Variants in DCDC1 observed in about 807,000 individuals in gnomAD.
The protein encoded by DCDC1 is doublecortin domain containing 1.
DCDC1 carries 200 observed loss-of-function variants against 178.3 expected under a neutral mutation model. That is an observed-to-expected ratio of 1.12 (90% confidence interval 1.00 to 1.26). DCDC1 has a LOEUF of 1.26. DCDC1 is among the 50% of genes most tolerant of loss of function. The pLI, the probability that DCDC1 is intolerant of heterozygous loss-of-function variation, is 0.00. For missense variants in DCDC1, 1,983 were observed against 1,749.2 expected, an observed-to-expected ratio of 1.13 and a Z score of -2.38; for synonymous variants, 690 against 604.8, an observed-to-expected ratio of 1.14 and a Z score of -2.07.
chr11:31,171,108 G>T (rs998198169), intron 9 of DCDC1, among the ~76,000 whole-genome samples: 4 of 152,124 alleles, frequency 2.6e-5, no homozygotes, highest in African/African-American at 9.7e-5. Context: ...GATTACAGAC[G>T]TGAGCCATTG....
At chr11:31,077,650 A>C (rs1314656288) in intron 18 of DCDC1, among the ~76,000 whole-genome samples, 1 of 152,290 alleles carries the variant, frequency 6.6e-6, no homozygotes, top group South Asian at 2.1e-4. Context: ...TGAATTAGGA[A>C]AAATTATTTT....
At chr11:30,958,897 T>G (rs553482996) in intron 20 of DCDC1, among the ~76,000 whole-genome samples, 1 of 152,084 alleles carries the variant, frequency 6.6e-6, no homozygotes, top group Non-Finnish European at 1.5e-5. Flanking sequence ...GGCAAAGGTC[T>G]GAAACCCAGG....
chr11:30,915,778 G>T, intron 26 of DCDC1, 67 bp from the exon 27 acceptor site: 1 of 1,502,934 alleles, frequency 6.7e-7, no homozygotes, highest in South Asian at 1.2e-5. Flanking sequence ...CACTTGATGT[G>T]CTGGAGATTA....
intron 10 of DCDC1, among the ~76,000 whole-genome samples, chr11:31,131,313 A>G (rs1157418086): frequency 1.3e-5 from 2 of 152,204 alleles, no homozygotes; most frequent in African/African-American, 4.8e-5. Context: ...GATGTGAAAA[A>G]GAAAAGAATG....
In DCDC1 at chr11:30,917,003, G is replaced by A. The variant is rs975633722; in HGVS notation, c.3319C>T (p.Arg1107Ter). 2.5e-6 allele frequency: 4 copies of A among 1,607,906 alleles called. No homozygotes were observed. Among genetic ancestry groups the A allele is most frequent in the African/African-American group, 1.3e-5 (1 of 74,816 alleles). ...ILDSHVRAHL[R>*]MKACHTLPRY... ...GGAAGTGTGTGACAAGCCTTCATTC[G>A]AAGATGAGCTCTTACGTGTGAATCT... The change falls in exon 26 of 39, where the codon CGA (arginine) becomes TGA (stop). Residue 1107 changes from arginine (R) to a stop codon, truncating the protein, a stop_gained. Transcript: ENST00000684477. LOFTEE classifies it high-confidence loss of function.
intron 9 of DCDC1, among the ~76,000 whole-genome samples, chr11:31,139,265 AGTGGTT>A (rs1963535064): frequency 6.6e-6 from 1 of 152,218 alleles, no homozygotes; most frequent in East Asian, 1.9e-4. Flanking sequence ...GCCAACAAGC[AGTGGTT>A]GGCCAATCCC....
At chr11:31,171,474 C>T (rs1365373998) in intron 9 of DCDC1, among the ~76,000 whole-genome samples, 1 of 152,174 alleles carries the variant, frequency 6.6e-6, no homozygotes, top group Non-Finnish European at 1.5e-5. Flanking sequence ...TCTCAACCTA[C>T]ATGTCTATTA....
At chr11:31,206,513 A>C (rs1231050018) in intron 9 of DCDC1, among the ~76,000 whole-genome samples, 1 of 152,192 alleles carries the variant, frequency 6.6e-6, no homozygotes, top group African/African-American at 2.4e-5. Flanking sequence ...TCCCAGGCTC[A>C]AGTGATTCTC....
At chr11:31,310,553 T>A (rs1008823091) in intron 3 of DCDC1, among the ~76,000 whole-genome samples, 1 of 152,024 alleles carries the variant, frequency 6.6e-6, no homozygotes, top group African/African-American at 2.4e-5. Context: ...TCTCCTGACT[T>A]CATGATCCTC....
chr11:31,175,225 T>C (rs208084), intron 9 of DCDC1, among the ~76,000 whole-genome samples: 90,205 of 151,950 alleles, frequency 0.59, 27,227 homozygotes, highest in East Asian at 0.93. Context: ...CAGCCACAGA[T>C]TCACAGGAAG....
At chr11:31,176,386 T>C (rs1332809166) in intron 9 of DCDC1, among the ~76,000 whole-genome samples, 1 of 152,182 alleles carries the variant, frequency 6.6e-6, no homozygotes. Flanking sequence ...GAGCAAAGCC[T>C]TTGAGTCTTA....
chr11:30,972,619 TAA>T (rs1949865404), intron 20 of DCDC1, among the ~76,000 whole-genome samples: 1 of 150,650 alleles, frequency 6.6e-6, no homozygotes. Context: ...ATGATAAAAA[TAA>T]AAGATAAAGA....
At chr11:31,021,079 T>A (rs1179879209) in intron 20 of DCDC1, among the ~76,000 whole-genome samples, 1 of 152,222 alleles carries the variant, frequency 6.6e-6, no homozygotes, top group Non-Finnish European at 1.5e-5. Context: ...TTTGGTAATA[T>A]CTTGTATTAT....
At chr11:30,926,482 G>A (rs750588211) in intron 22 of DCDC1, among the ~76,000 whole-genome samples, 4 of 152,146 alleles carry the variant, frequency 2.6e-5, no homozygotes, top group African/African-American at 7.2e-5. Context: ...GGAGAGGCTG[G>A]AGCCTAGACA....
chr11:30,888,358 A>G (rs1204856001), intron 36 of DCDC1, among the ~76,000 whole-genome samples: 1 of 152,234 alleles, frequency 6.6e-6, no homozygotes, highest in Admixed American at 6.5e-5. Flanking sequence ...GATGAGTTAA[A>G]AAGAAAAAAA....
intron 1 of DCDC1, among the ~76,000 whole-genome samples, chr11:31,365,460 G>A (rs1364333226): frequency 6.6e-6 from 1 of 152,022 alleles, no homozygotes; most frequent in Non-Finnish European, 1.5e-5. Context: ...ACTACCAAAA[G>A]AGCCAAGTAA....
At chr11:30,991,148 G>A (rs1388484912) in intron 20 of DCDC1, among the ~76,000 whole-genome samples, 1 of 152,176 alleles carries the variant, frequency 6.6e-6, no homozygotes, top group African/African-American at 2.4e-5. Context: ...GAAACAGCAG[G>A]TGTTCAGCTG....
chr11:30,893,058 G>C (rs569432827), intron 35 of DCDC1, 61 bp from the exon 36 acceptor site: 1 of 1,556,242 alleles, frequency 6.4e-7, no homozygotes, highest in African/African-American at 1.4e-5. Flanking sequence ...TGTTTGTGAA[G>C]AATGTGATAA....
chr11:31,143,944 C>T (rs889578868), intron 9 of DCDC1, among the ~76,000 whole-genome samples: 4 of 152,272 alleles, frequency 2.6e-5, no homozygotes, highest in South Asian at 2.1e-4. Context: ...TCACAGTCTG[C>T]AGCTTCTTGA....
Sources: allele counts gnomAD v4.1 joint callset (sites outside exome capture counted in the v4.1 genomes callset), GRCh38; gene constraint gnomAD v4.1.1; transcripts MANE v1.5; gene names NCBI Gene and HGNC (gene_info 2026-07-23, HGNC 2026-07-21).